S100A11: variants seen among roughly 807,000 people sequenced by gnomAD.
S100A11 encodes the protein protein S100-A11.
S100A11 carries 5 observed loss-of-function variants against 7.4 expected under a neutral mutation model. The observed-to-expected ratio is 0.68, with a 90% CI of 0.35 to 1.42. S100A11 has a LOEUF of 1.42. Among genes scored for constraint, S100A11 ranks in the 40% most tolerant of loss-of-function variants. The pLI, the probability that S100A11 is intolerant of heterozygous loss-of-function variation, is 0.04. For synonymous variants in S100A11, 47 were observed against 46.6 expected, an observed-to-expected ratio of 1.01 and a Z score of -0.04; for missense variants, 96 against 125.0, an observed-to-expected ratio of 0.77 and a Z score of 1.11.
intron 1 of S100A11, among the ~76,000 whole-genome samples, chr1:152,034,303 G>T (rs184704218): frequency 1.7e-4 from 26 of 152,358 alleles, no homozygotes; most frequent in Non-Finnish European, 2.6e-4. Context: ...TAAAAGCATA[G>T]CTATCATTGT....
intron 1 of S100A11, among the ~76,000 whole-genome samples, chr1:152,036,001 T>C (rs1361033081): frequency 6.6e-6 from 1 of 152,252 alleles, no homozygotes; most frequent in Non-Finnish European, 1.5e-5. Flanking sequence ...GTGGCTCTGT[T>C]CCAATACTTC....
chr1:152,033,559 TTGC>T lies in S100A11; in HGVS notation c.156+86_156+88del. 7.9e-7 allele frequency: 1 copy of T among 1,261,112 alleles called. No homozygotes were observed. 78.1% of individuals were successfully genotyped at this position (1,261,112 alleles called of 1,614,324 possible). ...ATGAAGCAAGAGTGTGGGGTGTCAG[TTGC>T]TGCTCCTTCATTCCTGGCCATTCTG... On this transcript the variant is annotated intron_variant, in intron 2 of 2. Transcript: ENST00000271638. The surrounding 1 kb of genome is among the most constrained non-coding windows in gnomAD (Gnocchi z 4.0).
At position 152,036,968 on chromosome 1, in the gene S100A11, T is replaced by TGG; in HGVS notation, c.-54_-53insCC. On this transcript the variant is annotated 5_prime_UTR_variant, in exon 1 of 3. Transcript: ENST00000271638. Reference sequence around the variant, plus strand: ...TGTGGCTGGGAGCGGCGCTGAGAGCTCTGTGCGCGCGGCGTGCGGGTCTGG... The same window carrying TGG: ...TGTGGCTGGGAGCGGCGCTGAGAGCTGGCTGTGCGCGCGGCGTGCGGGTCTGG... 1 of 1,611,622 alleles carries TGG rather than the reference T, an allele frequency of 6.2e-7. No individual in the cohort carries two copies. The highest frequency in any genetic ancestry group is 8.5e-7 in the Non-Finnish European group (1 of 1,179,198).
intron 1 of S100A11, among the ~76,000 whole-genome samples, chr1:152,034,544 A>G (rs1481571853): frequency 6.6e-6 from 1 of 152,228 alleles, no homozygotes; most frequent in Non-Finnish European, 1.5e-5. Flanking sequence ...TCTGGAGGTC[A>G]CTCCAAACCA....
chr1:152,033,874 A>G lies in S100A11; in HGVS notation c.4-74T>C. On this transcript the variant is annotated intron_variant, in intron 1 of 2. Transcript: ENST00000271638. This position sits in a 1 kb window ranked among gnomAD's most constrained non-coding sequence, Gnocchi z 4.0. ...CTGGATACTGGAGAAAACTCCAGGG[A>G]CTCTTATTTCAGGTCAAAGCAGTTT... 1 of 1,348,916 alleles carries G rather than the reference A, an allele frequency of 7.4e-7. No individual in the cohort carries two copies. 83.6% of individuals were successfully genotyped at this position (1,348,916 alleles called of 1,614,324 possible).
intron 1 of S100A11, among the ~76,000 whole-genome samples, chr1:152,034,925 C>T (rs960765584): frequency 1.3e-5 from 2 of 152,212 alleles, no homozygotes; most frequent in East Asian, 3.8e-4. Context: ...GTAATTAACA[C>T]GTGCTAAGAA....
intron 1 of S100A11, among the ~76,000 whole-genome samples, chr1:152,034,161 C>T (rs1050829337): frequency 6.6e-6 from 1 of 152,182 alleles, no homozygotes; most frequent in Non-Finnish European, 1.5e-5. Flanking sequence ...CATATGCACA[C>T]CAAACATTGT....
intron 1 of S100A11, among the ~76,000 whole-genome samples, chr1:152,034,072 T>C (rs1253987906): frequency 6.6e-6 from 1 of 152,242 alleles, no homozygotes; most frequent in East Asian, 1.9e-4. Flanking sequence ...ACTGCCTAGA[T>C]GAGAGTGACG....
Position 152,033,951 on chromosome 1 carries a change from C to T in S100A11, c.4-151G>A, listed in dbSNP as rs370012431. On this transcript the variant is annotated intron_variant, in intron 1 of 2. Coordinates refer to ENST00000271638, the MANE Select transcript of S100A11 (RefSeq NM_005620.2). The surrounding 1 kb of genome is among the most constrained non-coding windows in gnomAD (Gnocchi z 4.0). ...GGGGCTGAGGGGTTCAAGACAACCA[C>T]AAAAAGTCACACTCTGTGACCTTCC... 4 of 652,836 alleles carry T rather than the reference C, an allele frequency of 6.1e-6. No homozygotes were observed. Among genetic ancestry groups the T allele is most frequent in the Non-Finnish European group, 1.1e-5 (4 of 374,788 alleles). The allele number at this position is 652,836 out of a possible 1,614,324, so 40.4% of individuals were successfully genotyped here.
intron 1 of S100A11, 91 bp downstream of exon 1, chr1:152,036,822 T>TGG: frequency 8.4e-7 from 1 of 1,186,512 alleles, no homozygotes; most frequent in East Asian, 2.3e-5. Flanking sequence ...CACACATAAG[T>TGG]CAAAGATAAA....
intron 2 of S100A11, 131 bp from the exon 3 acceptor site, chr1:152,032,954 G>A: frequency 1.3e-6 from 1 of 764,760 alleles, no homozygotes; most frequent in African/African-American, 1.7e-5. Flanking sequence ...TTTGCCAGAT[G>A]CAGAAACAGA....
Position 152,033,120 on chromosome 1 carries a change from A to G in S100A11, c.157-297T>C, listed in dbSNP as rs1450443797. ...CTTTCAAGTGTTGCATGCAACTCCAATAGATAAACTATATAAAAGTACAGC... is the reference window on the plus strand; with the variant it reads ...CTTTCAAGTGTTGCATGCAACTCCAGTAGATAAACTATATAAAAGTACAGC... On this transcript the variant is annotated intron_variant, in intron 2 of 2. Coordinates refer to ENST00000271638, the MANE Select transcript of S100A11 (RefSeq NM_005620.2). This position sits in a 1 kb window ranked among gnomAD's most constrained non-coding sequence, Gnocchi z 4.0. Among the ~76,000 whole-genome samples, 1 of 152,220 alleles carries G rather than the reference A, an allele frequency of 6.6e-6. No homozygotes were observed.
intron 1 of S100A11, among the ~76,000 whole-genome samples, chr1:152,035,699 GAAGGA>G (rs1426804436): frequency 6.6e-6 from 1 of 152,218 alleles, no homozygotes; most frequent in Non-Finnish European, 1.5e-5. Flanking sequence ...CGCAGTGGCT[GAAGGA>G]GAGGAGAACC....
chr1:152,036,102 G>A (rs775292289), intron 1 of S100A11, among the ~76,000 whole-genome samples: 2 of 152,150 alleles, frequency 1.3e-5, no homozygotes, highest in Non-Finnish European at 2.9e-5. Context: ...ATTTACAAAT[G>A]TAAACTTTAT....
At position 152,033,626 on chromosome 1, in the gene S100A11, TG is replaced by T; in HGVS notation, c.156+21del. On this transcript the variant is annotated intron_variant, in intron 2 of 2. Transcript: ENST00000271638. This position sits in a 1 kb window ranked among gnomAD's most constrained non-coding sequence, Gnocchi z 4.0. ...TCATGTTGTGGGTAGTTTGGGGAAG[TG>T]GGGGAGACAGGGACCAGTACCTTTG... 1 of 1,608,750 alleles carries T rather than the reference TG, an allele frequency of 6.2e-7. No homozygotes were observed. The highest frequency in any genetic ancestry group is 1.3e-5 in the African/African-American group (1 of 74,830).
Position 152,033,687 on chromosome 1 carries a change from G to A in S100A11, c.117C>T (p.Phe39=). The A allele has an allele frequency of 6.2e-7, 1 of 1,613,854 alleles. No homozygotes were observed. Among genetic ancestry groups the A allele is most frequent in the Middle Eastern group, 1.7e-4 (1 of 6,046 alleles). The change falls in exon 2 of 3, where the codon TTC becomes TTT. Residue 39 remains phenylalanine, a synonymous_variant. Transcript: ENST00000271638. This position sits in a 1 kb window ranked among gnomAD's most constrained non-coding sequence, Gnocchi z 4.0. Reference sequence around the variant, plus strand: ...CTAGTTCTGTATTCATGAAGCTTAGGAACTCTGTCTTGGAGAGAGTGTAGT... The same window carrying A: ...CTAGTTCTGTATTCATGAAGCTTAGAAACTCTGTCTTGGAGAGAGTGTAGT... The part of the protein sequence containing the change: ...GYNYTLSKTE[F]LSFMNTELAA...
At chr1:152,032,913 A>C in intron 2 of S100A11, 90 bp from the exon 3 acceptor site, 4 of 1,033,324 alleles carry the variant, frequency 3.9e-6, no homozygotes, top group Non-Finnish European at 5.9e-6. Context: ...CAGGAGTATA[A>C]GGTACAGGAT....
chr1:152,034,497 TC>T (rs1409766094), intron 1 of S100A11, among the ~76,000 whole-genome samples: 1 of 152,266 alleles, frequency 6.6e-6, no homozygotes, highest in Non-Finnish European at 1.5e-5. Flanking sequence ...GGCTTCCACT[TC>T]CTGGTGGGAA....
rs1205575009 is a variant in S100A11, at chr1:152,034,394, G to T, written c.4-594C>A. The stretch of plus-strand genomic sequence containing the variant: ...GAGTTAGGAACCATTAATCTTAGAT[G>T]TGAGGAAACGGACAGGAGAAGGGAA... On this transcript the variant is annotated intron_variant, in intron 1 of 2. Transcript: ENST00000271638. Among the ~76,000 whole-genome samples the T allele has an allele frequency of 2.0e-5, 3 of 152,256 alleles. No homozygotes were observed. In the East Asian group the frequency reaches 5.8e-4, roughly 29 times the overall value.
Sources: gnomAD v4.1 joint callset for allele counts (sites outside exome capture counted in the v4.1 genomes callset) on GRCh38, gnomAD v4.1.1 for gene constraint, Gnocchi (gnomAD v3.1) non-coding constraint, MANE v1.5 for transcripts, NCBI Gene and HGNC (gene_info 2026-07-23, HGNC 2026-07-21) for gene names.